DUS2: variants seen among roughly 807,000 people sequenced by gnomAD.
The protein encoded by DUS2 is tRNA-dihydrouridine(20) synthase [NAD(P)+]-like.
DUS2 carries 52 observed loss-of-function variants against 71.3 expected under a neutral mutation model. The observed-to-expected ratio is 0.73, with a 90% confidence interval of 0.58 to 0.92. The LOEUF (loss-of-function observed/expected upper bound fraction) is 0.92, where lower values mean the gene tolerates loss of function less well. Ranked by LOEUF, DUS2 falls within the 40% of genes least tolerant of loss-of-function variation. The pLI, the probability that DUS2 is intolerant of heterozygous loss-of-function variation, is 0.00. For synonymous variants in DUS2, 204 were observed against 227.8 expected, an observed-to-expected ratio of 0.90 and a Z score of 0.94; for missense variants, 558 against 622.6, an observed-to-expected ratio of 0.90 and a Z score of 1.10.
chr16:68,045,725 C>CG (rs2033690929), intron 3 of DUS2, among the ~76,000 whole-genome samples: 1 of 133,128 alleles, frequency 7.5e-6, no homozygotes. Flanking sequence ...ACTTTCTTTT[C>CG]TTTTTTTTTT....
chr16:68,027,471 G>T lies in DUS2; in HGVS notation c.-19+1977G>T, dbSNP rs9972737. On this transcript the variant is annotated intron_variant, in intron 2 of 16. Transcript: ENST00000565263. ...CAGGCTGGTCTGGTCTCAAACTCCC[G>T]ACTTTAGGTAATCCGCCTGCCTTGG... is the stretch of plus-strand genomic sequence containing the variant. Among the ~76,000 whole-genome samples the T allele has an allele frequency of 2.6e-5, 4 of 152,242 alleles. No individual in the cohort carries two copies. In the East Asian group the frequency reaches 7.7e-4, roughly 29 times the overall value.
Position 68,028,442 on chromosome 16 carries a change from T to C in DUS2, c.-19+2948T>C, listed in dbSNP as rs181886519. On this transcript the variant is annotated intron_variant, in intron 2 of 16. Coordinates refer to ENST00000565263, the MANE Select transcript of DUS2 (RefSeq NM_017803.5). ...CGAAGTCAGGAGTTTGAGACCAGTCTGGCCAACATGGTGAAACCCCATCCC... is the reference window on the plus strand; with the variant it reads ...CGAAGTCAGGAGTTTGAGACCAGTCCGGCCAACATGGTGAAACCCCATCCC... Among the ~76,000 whole-genome samples, 211 of 152,118 alleles carry C rather than the reference T, an allele frequency of 1.4e-3. 1 individual carries two copies. The highest frequency in any genetic ancestry group is 4.2e-3 in the Admixed American group (64 of 15,238).
At chr16:68,063,389 G>A (rs759769979) in intron 8 of DUS2, among the ~76,000 whole-genome samples, 1 of 152,160 alleles carries the variant, frequency 6.6e-6, no homozygotes, top group African/African-American at 2.4e-5. Context: ...ATCTGTGGGA[G>A]TATCTCAAGA....
chr16:68,047,457 T>G lies in DUS2; in HGVS notation c.127-2048T>G, dbSNP rs936498385. ...GTTAATATTTTCAAATAACAAAGTTTTTGTTGTTGTTGTTGTTGTTGTTGT... is the reference window on the plus strand; with the variant it reads ...GTTAATATTTTCAAATAACAAAGTTGTTGTTGTTGTTGTTGTTGTTGTTGT... On this transcript the variant is annotated intron_variant, in intron 3 of 16. Coordinates refer to ENST00000565263, the MANE Select transcript of DUS2 (RefSeq NM_017803.5). 2.0e-5 allele frequency among the ~76,000 whole-genome samples: 3 copies of G among 151,848 alleles called. No homozygotes were observed. The East Asian group carries it at 5.8e-4, about 29-fold the overall frequency.
At chr16:68,033,807 T>A (rs528295957) in intron 2 of DUS2, among the ~76,000 whole-genome samples, 4 of 152,060 alleles carry the variant, frequency 2.6e-5, no homozygotes, top group Admixed American at 2.6e-4. Flanking sequence ...AATTTTTGTA[T>A]TTTTAGTAGA....
intron 12 of DUS2, 30 bp downstream of exon 12, chr16:68,071,138 A>G (rs751360689): frequency 6.2e-7 from 1 of 1,611,238 alleles, no homozygotes; most frequent in African/African-American, 1.3e-5. Flanking sequence ...CAAAACAAGC[A>G]TTTCTCACTG....
At chr16:68,049,613 C>G in intron 4 of DUS2, 63 bp downstream of exon 4, 1 of 1,480,162 alleles carries the variant, frequency 6.8e-7, no homozygotes, top group Non-Finnish European at 9.5e-7. Context: ...AGCACTACCA[C>G]TGCCCTTGCC....
rs373742574 is a variant in DUS2 at position 68,070,083 on chromosome 16, G to C, written c.555-51G>C. On this transcript the variant is annotated intron_variant, in intron 10 of 16. Transcript: ENST00000565263. Reference sequence around the variant, plus strand: ...TGGCTGAGGTAACCCTGTGTGAGTGGTGTCGTGGCTTTTGGTGCTTAGCCC... The same window carrying C: ...TGGCTGAGGTAACCCTGTGTGAGTGCTGTCGTGGCTTTTGGTGCTTAGCCC... 4.6e-6 allele frequency: 7 copies of C among 1,525,072 alleles called. No homozygotes were observed. In the African/African-American group the frequency reaches 9.6e-5, roughly 21 times the overall value. 94.5% of individuals were successfully genotyped at this position (1,525,072 alleles called of 1,614,324 possible). A position where few individuals can be genotyped will look rare whatever the true frequency, so the allele number is the denominator to read the frequency against.
chr16:68,074,229 T>C, intron 13 of DUS2, 74 bp downstream of exon 13: 1 of 1,576,686 alleles, frequency 6.3e-7, no homozygotes, highest in Non-Finnish European at 8.7e-7. Context: ...CTAAGCTGAC[T>C]CCACCAGGGG....
At chr16:68,050,583 T>C (rs954678414) in intron 4 of DUS2, among the ~76,000 whole-genome samples, 1 of 152,350 alleles carries the variant, frequency 6.6e-6, no homozygotes, top group African/African-American at 2.4e-5. Flanking sequence ...TCTATACATA[T>C]AGTAAATAAT....
At chr16:68,052,261 A>C (rs2033789613) in intron 4 of DUS2, among the ~76,000 whole-genome samples, 1 of 152,160 alleles carries the variant, frequency 6.6e-6, no homozygotes, top group Admixed American at 6.5e-5. Context: ...ACATGCAGAA[A>C]TGTGGCATGA....
chr16:68,049,739 G>A (rs1440077446), intron 4 of DUS2, among the ~76,000 whole-genome samples, 189 bp downstream of exon 4: 4 of 152,178 alleles, frequency 2.6e-5, no homozygotes, highest in African/African-American at 9.7e-5. Flanking sequence ...GAAACAGGCT[G>A]AGAGTGCCTT....
Position 68,060,938 on chromosome 16 carries a change from G to T in DUS2, c.370-128G>T, listed in dbSNP as rs537522718. On this transcript the variant is annotated intron_variant, in intron 7 of 16. Coordinates refer to ENST00000565263, the MANE Select transcript of DUS2 (RefSeq NM_017803.5). ...CTCCTACTTGTTTAAAAGAAGTGCC[G>T]GTTGCCAGTGGGCCTTGGTCCCTTG... 6.2e-5 allele frequency: 46 copies of T among 745,082 alleles called. No individual in the cohort carries two copies. The South Asian group carries it at 7.4e-4, about 12-fold the overall frequency. The allele number at this position is 745,082 out of a possible 1,614,324, so 46.2% of individuals were successfully genotyped here. A position where few individuals can be genotyped will look rare whatever the true frequency, so the allele number is the denominator to read the frequency against.
chr16:68,034,202 A>G (rs544895148), intron 2 of DUS2, among the ~76,000 whole-genome samples: 1 of 152,128 alleles, frequency 6.6e-6, no homozygotes, highest in South Asian at 2.1e-4. Context: ...AGGAGCTGGT[A>G]CTACAGGCAT....
rs577636436 is a variant in DUS2, at chr16:68,054,585, C to T, written c.276C>T (p.Asp92=). 51 of 1,614,000 alleles carry T rather than the reference C, an allele frequency of 3.2e-5. No homozygotes were observed. Among genetic ancestry groups the T allele is most frequent in the Middle Eastern group, 1.6e-4 (1 of 6,084 alleles). ...NRVVFQMGTS[D]AERALAVARL... is the part of the protein sequence containing the mutation. ...TCTTGTGTTCCCAGGGGACTTCAGA[C>T]GCAGAGCGAGCCCTTGCTGTGGCCA... is the stretch of plus-strand genomic sequence containing the variant. The change falls in exon 6 of 17, where the codon GAC becomes GAT. Residue 92 remains aspartate (D), a synonymous_variant. Transcript: ENST00000565263.
intron 3 of DUS2, 123 bp downstream of exon 3, chr16:68,038,272 A>C: frequency 7.3e-7 from 1 of 1,366,760 alleles, no homozygotes; most frequent in Non-Finnish European, 9.8e-7. Context: ...GTGTTCACCA[A>C]AGGCTGGAGG....
intron 2 of DUS2, among the ~76,000 whole-genome samples, chr16:68,032,934 G>GAAAAAA (rs2033462299): frequency 6.8e-6 from 1 of 147,926 alleles, no homozygotes. Context: ...AAAAAAAAGG[G>GAAAAAA]AATGCCAGGG....
At position 68,071,042 on chromosome 16, in the gene DUS2, C is replaced by T. The variant is rs745343214; in HGVS notation, c.744C>T (p.Asn248=). The T allele has an allele frequency of 1.5e-5, 25 of 1,614,080 alleles. No homozygotes were observed. Among genetic ancestry groups the T allele is most frequent in the Middle Eastern group, 1.6e-4 (1 of 6,084 alleles). ...SVMVARAAMW[N]PSIFLKEGLR... is the part of the protein sequence containing the mutation. ...TGGTGGCCCGAGCAGCCATGTGGAA[C>T]CCATCTATCTTCCTCAAGGAGGGTC... is the stretch of plus-strand genomic sequence containing the variant. The change falls in exon 12 of 17, where the codon AAC becomes AAT. Residue 248 remains asparagine, a synonymous_variant. Transcript: ENST00000565263.
At chr16:68,052,645 CTT>C (rs199978338) in intron 4 of DUS2, among the ~76,000 whole-genome samples, 9 of 141,948 alleles carry the variant, frequency 6.3e-5, no homozygotes, top group Admixed American at 1.4e-4. Flanking sequence ...CATGTATGGA[CTT>C]TTTTTTTTTT....
Sources: gnomAD v4.1 joint callset for allele counts (sites outside exome capture counted in the v4.1 genomes callset) on GRCh38, gnomAD v4.1.1 for gene constraint, MANE v1.5 for transcripts, NCBI Gene and HGNC (gene_info 2026-07-23, HGNC 2026-07-21) for gene names.